CNTNAP2: variants seen among roughly 807,000 people sequenced by gnomAD.
The protein encoded by CNTNAP2 is contactin associated protein 2.
Under a neutral mutation model 155.2 loss-of-function variants are expected in CNTNAP2, and 98 were observed. That is an observed-to-expected ratio of 0.63 (90% CI 0.54 to 0.75). The LOEUF (loss-of-function observed/expected upper bound fraction) is 0.75, where lower values mean the gene tolerates loss of function less well. CNTNAP2 is among the 30% of genes least tolerant of loss of function. The probability of loss-of-function intolerance (pLI) is 0.00; values close to 1 mark genes in which losing one functional copy is unlikely to be tolerated. For missense variants in CNTNAP2, 1,727 were observed against 1,688.1 expected (o/e 1.02, Z -0.40); for synonymous variants, 651 against 631.2 (o/e 1.03, Z -0.47).
At chr7:147,378,816 G>T (rs921153087) in intron 9 of CNTNAP2, among the ~76,000 whole-genome samples, 1 of 151,910 alleles carries the variant, frequency 6.6e-6, no homozygotes, top group African/African-American at 2.4e-5. Context: ...AATTCCTGGA[G>T]TATCCATTTA....
At chr7:146,469,314 T>C (rs965866369) in intron 1 of CNTNAP2, among the ~76,000 whole-genome samples, 2 of 151,950 alleles carry the variant, frequency 1.3e-5, no homozygotes, top group South Asian at 4.1e-4. Flanking sequence ...GTAGCCATCC[T>C]GCACATCATC....
intron 1 of CNTNAP2, among the ~76,000 whole-genome samples, chr7:146,357,813 CCTTGA>C (rs1286249834): frequency 6.6e-6 from 1 of 151,526 alleles, no homozygotes; most frequent in Non-Finnish European, 1.5e-5. Flanking sequence ...AAAATTGATC[CCTTGA>C]CTTAACTGAA....
chr7:147,396,124 T>C (rs1330852109), intron 10 of CNTNAP2, among the ~76,000 whole-genome samples: 1 of 147,838 alleles, frequency 6.8e-6, no homozygotes, highest in Non-Finnish European at 1.5e-5. Flanking sequence ...ATGAGATATA[T>C]TGTATATATA....
In CNTNAP2 at chr7:147,549,934, T is replaced by C. The variant is rs373665233; in HGVS notation, c.1778-12204T>C. Among the ~76,000 whole-genome samples the C allele has an allele frequency of 2.6e-5, 4 of 152,194 alleles. No homozygotes were observed. The South Asian group carries it at 8.3e-4, about 31-fold the overall frequency. On this transcript the variant is annotated intron_variant, in intron 11 of 23. Transcript: ENST00000361727. ...GTATAAAGCAATACATTATTTTTAT[T>C]AGAATGTCAATGATCATATAATTGT...
chr7:147,132,162 A>G, intron 7 of CNTNAP2, 83 bp from the exon 8 acceptor site: 3 of 1,566,566 alleles, frequency 1.9e-6, no homozygotes, highest in South Asian at 2.2e-5. Context: ...CAAAACTTGT[A>G]GAACTATACT....
At chr7:148,209,542 G>A (rs1795507937) in intron 18 of CNTNAP2, among the ~76,000 whole-genome samples, 1 of 151,794 alleles carries the variant, frequency 6.6e-6, no homozygotes, top group East Asian at 1.9e-4. Flanking sequence ...ATCCGAGTCT[G>A]TCTTAACACT....
intron 1 of CNTNAP2, among the ~76,000 whole-genome samples, chr7:146,426,082 A>T (rs1796083070): frequency 6.8e-6 from 1 of 146,220 alleles, no homozygotes; most frequent in South Asian, 2.3e-4. Context: ...GCTACGCGGG[A>T]GGCTGAGGAA....
intron 1 of CNTNAP2, among the ~76,000 whole-genome samples, chr7:146,660,639 G>A (rs773480647): frequency 6.6e-6 from 1 of 152,152 alleles, no homozygotes; most frequent in African/African-American, 2.4e-5. Context: ...CAATAAATGG[G>A]AGGTGTTATT....
chr7:146,954,151 CT>C (rs1797384452), intron 3 of CNTNAP2, among the ~76,000 whole-genome samples: 1 of 151,848 alleles, frequency 6.6e-6, no homozygotes, highest in South Asian at 2.1e-4. Flanking sequence ...ATTTATATGC[CT>C]TTGCAATAAA....
At chr7:146,985,969 TG>T (rs1798108223) in intron 3 of CNTNAP2, among the ~76,000 whole-genome samples, 1 of 152,152 alleles carries the variant, frequency 6.6e-6, no homozygotes, top group African/African-American at 2.4e-5. Flanking sequence ...AATGATTTTT[TG>T]GTAACACTTT....
chr7:147,513,030 A>G (rs981046820), intron 11 of CNTNAP2, among the ~76,000 whole-genome samples: 5 of 152,218 alleles, frequency 3.3e-5, no homozygotes, highest in Non-Finnish European at 5.9e-5. Flanking sequence ...AAAGAAAAAA[A>G]CATAAAGTGA....
At chr7:146,605,557 C>G (rs1000690228) in intron 1 of CNTNAP2, among the ~76,000 whole-genome samples, 1 of 152,046 alleles carries the variant, frequency 6.6e-6, no homozygotes, top group East Asian at 1.9e-4. Context: ...AATGTAAATT[C>G]AGGAAGAAAT....
intron 1 of CNTNAP2, among the ~76,000 whole-genome samples, chr7:146,720,995 A>G (rs1310133708): frequency 8.0e-6 from 1 of 125,506 alleles, no homozygotes; most frequent in African/African-American, 3.7e-5. Flanking sequence ...TACTGTATAT[A>G]TATAGTCTAT....
chr7:147,118,526 G>T (rs1801034853), intron 5 of CNTNAP2, among the ~76,000 whole-genome samples: 1 of 152,148 alleles, frequency 6.6e-6, no homozygotes, highest in South Asian at 2.1e-4. Flanking sequence ...ATGCAGTCAT[G>T]TGTCACTTTA....
In CNTNAP2 at chr7:147,395,258, C is replaced by T. The variant is rs184356479; in HGVS notation, c.1499-351C>T. On this transcript the variant is annotated intron_variant, in intron 9 of 23. Coordinates refer to ENST00000361727, the MANE Select transcript of CNTNAP2 (RefSeq NM_014141.6). ...AAGTTCTAAAGTTTTGTGTCCTAAT[C>T]TCTGAGGGCTGGCTCAGCAGAGAAA... Among the ~76,000 whole-genome samples, 263 of 152,086 alleles carry T rather than the reference C, an allele frequency of 1.7e-3. 1 individual carries two copies. The highest frequency in any genetic ancestry group is 6.1e-3 in the African/African-American group (254 of 41,528).
chr7:147,839,532 G>T (rs1798691519), intron 13 of CNTNAP2, among the ~76,000 whole-genome samples: 1 of 152,100 alleles, frequency 6.6e-6, no homozygotes, highest in African/African-American at 2.4e-5. Flanking sequence ...AAGCCATGAA[G>T]GTTGTTTTAG....
intron 8 of CNTNAP2, among the ~76,000 whole-genome samples, chr7:147,188,577 A>G (rs1802615830): frequency 6.6e-6 from 1 of 152,222 alleles, no homozygotes; most frequent in South Asian, 2.1e-4. Context: ...ATAAAGGCTC[A>G]GTCTGACAGC....
chr7:146,428,464 A>G (rs1349358752), intron 1 of CNTNAP2, among the ~76,000 whole-genome samples: 1 of 151,270 alleles, frequency 6.6e-6, no homozygotes, highest in East Asian at 1.9e-4. Flanking sequence ...ATGGTGTCTC[A>G]TTGTGGTTTT....
intron 3 of CNTNAP2, among the ~76,000 whole-genome samples, chr7:146,995,965 G>T (rs1332152375): frequency 6.6e-6 from 1 of 151,846 alleles, no homozygotes; most frequent in Non-Finnish European, 1.5e-5. Context: ...AACAAACCTT[G>T]CCCAGACCAA....
Sources: gnomAD v4.1 joint callset for allele counts (sites outside exome capture counted in the v4.1 genomes callset) on GRCh38, gnomAD v4.1.1 for gene constraint, MANE v1.5 for transcripts, NCBI Gene and HGNC (gene_info 2026-07-23, HGNC 2026-07-21) for gene names.